FKBP1B: variants seen among roughly 807,000 people sequenced by gnomAD.
FKBP1B encodes FKBP prolyl isomerase 1B.
Under a neutral mutation model 13.5 loss-of-function variants are expected in FKBP1B, and 4 were observed. The ratio of observed to expected loss-of-function variants is 0.30; its 90% CI spans 0.15 to 0.68. The LOEUF is 0.68. FKBP1B is among the 30% of genes least tolerant of loss of function. FKBP1B has a pLI of 0.76. For missense variants in FKBP1B, 93 were observed against 136.2 expected (o/e 0.68, Z 1.58); for synonymous variants, 54 against 53.6 (o/e 1.01, Z -0.03).
intron 3 of FKBP1B, among the ~76,000 whole-genome samples, chr2:24,062,234 A>C (rs1030101146): frequency 1.3e-5 from 2 of 151,812 alleles, no homozygotes; most frequent in African/African-American, 4.8e-5. Context: ...GTGCAGTGGC[A>C]CAATCTCAGC....
At chr2:24,053,829 C>G in intron 1 of FKBP1B, 73 bp from the exon 2 acceptor site, 1 of 1,431,814 alleles carries the variant, frequency 7.0e-7, no homozygotes, top group East Asian at 2.3e-5. Flanking sequence ...AGCTCTTGGT[C>G]AGGATCATAC....
the FKBP1B span, chr2:24,037,571 T>C: frequency 7.8e-7 from 1 of 1,281,358 alleles, no homozygotes; most frequent in Non-Finnish European, 1.1e-6. Flanking sequence ...CCCAGCTTAG[T>C]GAAGCTCAGT....
intron 2 of FKBP1B, 35 bp from the exon 3 acceptor site, chr2:24,060,779 C>T (rs1343928159): frequency 6.6e-7 from 1 of 1,522,084 alleles, no homozygotes; most frequent in Non-Finnish European, 9.1e-7. Flanking sequence ...TACTCATGAC[C>T]ACAGCTCTAT....
chr2:24,048,448 C>A (rs1179576678), upstream of FKBP1B, among the ~76,000 whole-genome samples: 1 of 131,588 alleles, frequency 7.6e-6, no homozygotes, highest in Non-Finnish European at 1.5e-5. Flanking sequence ...TCCATCCTGG[C>A]GACAGAGTGA....
At chr2:24,052,805 A>C (rs956326976) in intron 1 of FKBP1B, among the ~76,000 whole-genome samples, 1 of 151,952 alleles carries the variant, frequency 6.6e-6, no homozygotes, top group Non-Finnish European at 1.5e-5. Flanking sequence ...TGTCTCTACA[A>C]ATTTTTTTTA....
chr2:24,037,273 T>C, the FKBP1B span, among the ~76,000 whole-genome samples: 6 of 152,222 alleles, frequency 3.9e-5, no homozygotes, highest in Non-Finnish European at 5.9e-5. Flanking sequence ...TCCACTTGCC[T>C]CGGCCTCCCA....
chr2:24,038,757 C>A, the FKBP1B span: 2 of 1,614,132 alleles, frequency 1.2e-6, no homozygotes, highest in South Asian at 1.1e-5. Context: ...CATACGGAGT[C>A]ATGTCTTTAC....
intron 1 of FKBP1B, among the ~76,000 whole-genome samples, chr2:24,052,640 T>A (rs1663931303): frequency 6.6e-6 from 1 of 152,168 alleles, no homozygotes. Context: ...CATAATCATT[T>A]TGTATATTTA....
chr2:24,037,597 CTCATCA>C, the FKBP1B span: 1 of 1,393,574 alleles, frequency 7.2e-7, no homozygotes, highest in Non-Finnish European at 9.7e-7. Context: ...CACCATCTTC[CTCATCA>C]ATACGTTTCT....
upstream of FKBP1B, chr2:24,047,391 T>C (rs1463929119): frequency 6.6e-6 from 1 of 152,192 alleles, no homozygotes; most frequent in Non-Finnish European, 1.5e-5. Context: ...TAAGAAGTTC[T>C]GGGCAGCCAC....
chr2:24,038,244 T>C, the FKBP1B span: 4 of 1,614,190 alleles, frequency 2.5e-6, no homozygotes, highest in Admixed American at 1.7e-5. Context: ...GATCAGACTT[T>C]GAAGAAGGAA....
rs1663837890 is a variant in FKBP1B, at chr2:24,050,906, T to C, written c.37+1020T>C. 6.6e-6 allele frequency among the ~76,000 whole-genome samples: 1 copy of C among 152,248 alleles called. No homozygotes were observed. The highest frequency in any genetic ancestry group is 1.5e-5 in the Non-Finnish European group (1 of 68,046). On this transcript the variant is annotated intron_variant, in intron 1 of 3. Transcript: ENST00000380986. The surrounding 1 kb of genome is among the most constrained non-coding windows in gnomAD (Gnocchi z 5.8). The stretch of plus-strand genomic sequence containing the variant: ...TTGCCCACGCAGGAAACATTGCTGC[T>C]GGGTCCCAGAAAGCATCTCCCTGAG...
chr2:24,038,848 T>C, the FKBP1B span: 2 of 1,614,216 alleles, frequency 1.2e-6, no homozygotes, highest in East Asian at 4.5e-5. Context: ...TATAGCAACC[T>C]GTGAGTCCAC....
chr2:24,035,085 T>C, the FKBP1B span, among the ~76,000 whole-genome samples: 2 of 151,770 alleles, frequency 1.3e-5, no homozygotes, highest in African/African-American at 4.8e-5. Flanking sequence ...TCTAATAAAA[T>C]ATTTAGCTAT....
At chr2:24,039,485 C>T in the FKBP1B span, 1 of 1,609,942 alleles carries the variant, frequency 6.2e-7, no homozygotes, top group Non-Finnish European at 8.5e-7. Context: ...TTTCCTTTTC[C>T]CAACTCCATC....
chr2:24,063,333 G>A lies in FKBP1B; in HGVS notation c.*141G>A, dbSNP rs1391434080. The A allele has an allele frequency of 2.5e-6, 2 of 800,142 alleles. No individual in the cohort carries two copies. Among genetic ancestry groups the A allele is most frequent in the Non-Finnish European group, 3.7e-6 (2 of 539,620 alleles). The allele number at this position is 800,142 out of a possible 1,614,324, so 49.6% of individuals were successfully genotyped here. A position where few individuals can be genotyped will look rare whatever the true frequency, so the allele number is the denominator to read the frequency against. On this transcript the variant is annotated 3_prime_UTR_variant, in exon 4 of 4. Transcript: ENST00000380986. ...CCTCATGGCATCATCCATTCTCTCT[G>A]CCCAAGTTGCTCTGTATGTGTTCGT...
intron 2 of FKBP1B, among the ~76,000 whole-genome samples, chr2:24,059,530 G>T (rs1486803331): frequency 2.6e-5 from 4 of 152,046 alleles, no homozygotes; most frequent in African/African-American, 9.7e-5. Context: ...GGAACCTTAT[G>T]CGAGGACTCA....
chr2:24,046,533 C>T (rs534941734), upstream of FKBP1B, among the ~76,000 whole-genome samples: 1 of 152,292 alleles, frequency 6.6e-6, no homozygotes, highest in South Asian at 2.1e-4. Flanking sequence ...CAGTATATAA[C>T]CATTTAATTC....
At chr2:24,049,045 A>G (rs1663726698), upstream of FKBP1B, among the ~76,000 whole-genome samples, 1 of 152,148 alleles carries the variant, frequency 6.6e-6, no homozygotes, top group South Asian at 2.1e-4. Context: ...TCCCTCCCCC[A>G]GCTCTGCTCC....
Sources: gnomAD v4.1 joint callset for allele counts (sites outside exome capture counted in the v4.1 genomes callset) on GRCh38, gnomAD v4.1.1 for gene constraint, Gnocchi (gnomAD v3.1) non-coding constraint, MANE v1.5 for transcripts, NCBI Gene and HGNC (gene_info 2026-07-23, HGNC 2026-07-21) for gene names.